The following DLC1 variants were observed in gnomAD, a reference collection of about 807,000 sequenced individuals.
The protein encoded by DLC1 is DLC1 Rho GTPase activating protein, also known as rho GTPase-activating protein 7.
DLC1 carries 54 observed loss-of-function variants against 140.3 expected under a neutral mutation model. That is an observed-to-expected ratio of 0.38 (90% CI 0.31 to 0.48). The LOEUF is 0.48. Among genes scored for constraint, DLC1 ranks in the 20% least tolerant of loss-of-function variants. The pLI, the probability that DLC1 is intolerant of heterozygous loss-of-function variation, is 0.96. For synonymous variants in DLC1, 986 were observed against 728.1 expected (o/e 1.35, Z -5.70); for missense variants, 2,536 against 1,907.0 (o/e 1.33, Z -6.14).
chr8:13,500,115 A>C lies in DLC1; in HGVS notation c.-44T>G. 2.0e-6 allele frequency: 3 copies of C among 1,478,940 alleles called. No homozygotes were observed. The highest frequency in any genetic ancestry group is 2.8e-6 in the Non-Finnish European group (3 of 1,082,286). 91.6% of individuals were successfully genotyped at this position (1,478,940 alleles called of 1,614,324 possible). A position where few individuals can be genotyped will look rare whatever the true frequency, so the allele number is the denominator to read the frequency against. On this transcript the variant is annotated 5_prime_UTR_variant, in exon 2 of 18. Coordinates refer to ENST00000276297, the MANE Select transcript of DLC1 (RefSeq NM_182643.3). ...CAGACAGAGAGATATATTCCATATG[A>C]GGGTAAAGGAGATGGAACTTGATGA...
chr8:13,265,562 TG>T (rs1830650175), intron 5 of DLC1, among the ~76,000 whole-genome samples: 1 of 152,106 alleles, frequency 6.6e-6, no homozygotes, highest in Non-Finnish European at 1.5e-5. Context: ...GCTGAGAAAG[TG>T]GGTGTCCAGT....
intron 5 of DLC1, among the ~76,000 whole-genome samples, chr8:13,255,153 T>G (rs1017933007): frequency 3.3e-5 from 5 of 152,162 alleles, no homozygotes; most frequent in Non-Finnish European, 7.4e-5. Flanking sequence ...ACTTTTTAAG[T>G]AGAGATGGGT....
At chr8:13,601,996 A>G (rs1406955750) in intron 1 of DLC1, among the ~76,000 whole-genome samples, 1 of 151,844 alleles carries the variant, frequency 6.6e-6, no homozygotes, top group African/African-American at 2.4e-5. Context: ...TACCAACGTC[A>G]TAAAAAGGAA....
intron 2 of DLC1, among the ~76,000 whole-genome samples, chr8:13,430,528 T>C (rs1838817216): frequency 6.6e-6 from 1 of 152,162 alleles, no homozygotes; most frequent in South Asian, 2.1e-4. Flanking sequence ...AAAAAATGAT[T>C]TTTAGGTTAT....
Position 13,500,160 on chromosome 8 carries a change from C to G in DLC1, c.-89G>C, listed in dbSNP as rs761101702. 8.2e-7 allele frequency: 1 copy of G among 1,226,710 alleles called. No homozygotes were observed. Among genetic ancestry groups the G allele is most frequent in the Non-Finnish European group, 1.1e-6 (1 of 883,452 alleles). 76.0% of individuals were successfully genotyped at this position (1,226,710 alleles called of 1,614,324 possible). ...TGATGAAAGATTATTTCAAAATCAC[C>G]AATCAAAGAAGCGAATGAGTTCTGT... is the stretch of plus-strand genomic sequence containing the variant. On this transcript the variant is annotated 5_prime_UTR_variant, in exon 2 of 18. Coordinates refer to ENST00000276297, the MANE Select transcript of DLC1 (RefSeq NM_182643.3).
intron 4 of DLC1, among the ~76,000 whole-genome samples, chr8:13,350,302 A>T (rs1449589896): frequency 2.1e-4 from 31 of 145,928 alleles, no homozygotes; most frequent in Admixed American, 6.8e-5. Context: ...CAGGTTTATC[A>T]TTTTTTTTTT....
At chr8:13,345,671 C>T (rs1308419445) in intron 4 of DLC1, among the ~76,000 whole-genome samples, 1 of 149,236 alleles carries the variant, frequency 6.7e-6, no homozygotes, top group East Asian at 2.0e-4. Flanking sequence ...GGTCCTCCTG[C>T]CTCAGCCTCC....
chr8:13,188,809 A>ATATATATATATATATATG (rs1826548887), intron 5 of DLC1, among the ~76,000 whole-genome samples: 1 of 37,894 alleles, frequency 2.6e-5, no homozygotes, highest in Non-Finnish European at 4.7e-5. Context: ...GTGTATATAT[A>ATATATATATATATATATG]TATATATATA....
At chr8:13,507,939 G>A (rs890736104) in intron 1 of DLC1, among the ~76,000 whole-genome samples, 1 of 152,080 alleles carries the variant, frequency 6.6e-6, no homozygotes, top group Non-Finnish European at 1.5e-5. Flanking sequence ...TTATTTTATT[G>A]TTAACCCATT....
chr8:13,164,340 GTCTGTCTGTCTCTCTC>G (rs934784628), intron 5 of DLC1, among the ~76,000 whole-genome samples: 1 of 144,310 alleles, frequency 6.9e-6, no homozygotes, highest in South Asian at 2.2e-4. Context: ...CTGTCTGTCT[GTCTGTCTGTCTCTCTC>G]TCTGTCTGTC....
intron 2 of DLC1, among the ~76,000 whole-genome samples, chr8:13,436,453 T>A (rs1000599750): frequency 6.6e-6 from 1 of 152,248 alleles, no homozygotes; most frequent in Non-Finnish European, 1.5e-5. Flanking sequence ...CCAAAAGGAC[T>A]GACCCGTTTT....
chr8:13,393,512 C>T, intron 4 of DLC1, 41 bp downstream of exon 4: 5 of 1,583,224 alleles, frequency 3.2e-6, no homozygotes, highest in Non-Finnish European at 3.4e-6. Context: ...TGATCATCAA[C>T]ATTTACACGT....
chr8:13,383,098 C>G (rs1015663168), intron 4 of DLC1, among the ~76,000 whole-genome samples: 20 of 152,206 alleles, frequency 1.3e-4, no homozygotes, highest in Admixed American at 9.2e-4. Flanking sequence ...GAGAAATCAT[C>G]TCACTTGCAA....
intron 1 of DLC1, among the ~76,000 whole-genome samples, chr8:13,552,867 T>G (rs952912443): frequency 2.0e-5 from 3 of 151,850 alleles, no homozygotes; most frequent in Non-Finnish European, 4.4e-5. Context: ...ACACATAAAC[T>G]AAATCTTTTC....
intron 4 of DLC1, among the ~76,000 whole-genome samples, chr8:13,385,738 CCT>C (rs1836494767): frequency 6.6e-6 from 1 of 152,046 alleles, no homozygotes; most frequent in African/African-American, 2.4e-5. Flanking sequence ...TCAAGAAGGC[CCT>C]CTGTGTAAAC....
chr8:13,115,389 G>T (rs966176694), intron 6 of DLC1, among the ~76,000 whole-genome samples, 197 bp downstream of exon 6: 12 of 152,170 alleles, frequency 7.9e-5, no homozygotes, highest in Admixed American at 2.6e-4. Flanking sequence ...GGCAGCAGAT[G>T]GGGGAGTGGC....
At chr8:13,376,049 T>C (rs1459640100) in intron 4 of DLC1, among the ~76,000 whole-genome samples, 1 of 152,176 alleles carries the variant, frequency 6.6e-6, no homozygotes, top group Non-Finnish European at 1.5e-5. Flanking sequence ...CCAATTACTT[T>C]TCCAAGAAAA....
intron 5 of DLC1, among the ~76,000 whole-genome samples, chr8:13,273,595 G>T (rs959809791): frequency 1.3e-5 from 2 of 151,934 alleles, no homozygotes; most frequent in African/African-American, 4.8e-5. Flanking sequence ...TAACAGACAG[G>T]CTCCCTGTTT....
At chr8:13,199,685 G>C (rs1827270984) in intron 5 of DLC1, among the ~76,000 whole-genome samples, 1 of 152,104 alleles carries the variant, frequency 6.6e-6, no homozygotes, top group African/African-American at 2.4e-5. Flanking sequence ...TCATAAGATG[G>C]TGAGGGGAGG....
Sources: allele counts gnomAD v4.1 joint callset (sites outside exome capture counted in the v4.1 genomes callset), GRCh38; gene constraint gnomAD v4.1.1; transcripts MANE v1.5; gene names NCBI Gene and HGNC (gene_info 2026-07-23, HGNC 2026-07-21).